Variants in PCDHGA1 observed in about 807,000 individuals in gnomAD.
PCDHGA1 encodes protocadherin gamma-A1.
PCDHGA1 carries 32 observed loss-of-function variants against 58.0 expected under a neutral mutation model. That is an observed-to-expected ratio of 0.55 (90% CI 0.42 to 0.74). The LOEUF is 0.74. Ranked by LOEUF, PCDHGA1 falls within the 30% of genes least tolerant of loss-of-function variation. The pLI, the probability that PCDHGA1 is intolerant of heterozygous loss-of-function variation, is 0.00. For missense variants in PCDHGA1, 1,205 were observed against 1,182.3 expected, an observed-to-expected ratio of 1.02 and a Z score of -0.28; for synonymous variants, 498 against 501.1, an observed-to-expected ratio of 0.99 and a Z score of 0.08.
chr5:141,380,966 T>C (rs890558911), intron 1 of PCDHGA1, among the ~76,000 whole-genome samples: 1 of 152,240 alleles, frequency 6.6e-6, no homozygotes, highest in East Asian at 1.9e-4. Flanking sequence ...AAAAGTACTA[T>C]TAAACAAATA....
chr5:141,476,281 T>G lies in PCDHGA1; in HGVS notation c.2422-18526T>G. On this transcript the variant is annotated intron_variant, in intron 1 of 3. Coordinates refer to ENST00000517417, the MANE Select transcript of PCDHGA1 (RefSeq NM_018912.3). This position sits in a 1 kb window ranked among gnomAD's most constrained non-coding sequence, Gnocchi z 7.6. ...TGGGCAACGTGGTCGCGAACCTTGGTTTGGATCTCGGTAGCCTCTCAGCCC... is the reference window on the plus strand; with the variant it reads ...TGGGCAACGTGGTCGCGAACCTTGGGTTGGATCTCGGTAGCCTCTCAGCCC... 1 of 1,614,048 alleles carries G rather than the reference T, an allele frequency of 6.2e-7. No homozygotes were observed. The highest frequency in any genetic ancestry group is 1.1e-5 in the South Asian group (1 of 91,062).
intron 1 of PCDHGA1, chr5:141,441,621 G>C (rs2098260273): frequency 9.0e-6 from 2 of 223,292 alleles, no homozygotes; most frequent in Non-Finnish European, 1.8e-5. Flanking sequence ...CGTGGCCAGT[G>C]ACCTGGAGCC....
In PCDHGA1 at chr5:141,485,313, A is replaced by G. The variant is rs758628263; in HGVS notation, c.2422-9494A>G. On this transcript the variant is annotated intron_variant, in intron 1 of 3. Transcript: ENST00000517417. The surrounding 1 kb of genome is among the most constrained non-coding windows in gnomAD (Gnocchi z 5.7). Reference sequence around the variant, plus strand: ...TCACAGGAAGGGACTTTTGTAGGGAATGTCGCTCAAGATTTCCTGCTGGAT... The same window carrying G: ...TCACAGGAAGGGACTTTTGTAGGGAGTGTCGCTCAAGATTTCCTGCTGGAT... 1.2e-6 allele frequency: 2 copies of G among 1,614,186 alleles called. No individual in the cohort carries two copies. Among genetic ancestry groups the G allele is most frequent in the African/African-American group, 1.3e-5 (1 of 75,054 alleles).
rs1316392656 is a variant in PCDHGA1, at chr5:141,332,572, C to T, written c.1888C>T (p.Arg630Ter). 1.2e-6 allele frequency: 2 copies of T among 1,612,486 alleles called. No individual in the cohort carries two copies. Among genetic ancestry groups the T allele is most frequent in the Admixed American group, 1.7e-5 (1 of 60,002 alleles). Reference protein sequence around the residue: ...GLHTGEVRTARALLDRDALKQ... With the variant: ...GLHTGEVRTA ...GCACACGGGCGAGGTGCGCACGGCGCGAGCCCTGCTGGACAGAGACGCGCT... is the reference window on the plus strand; with the variant it reads ...GCACACGGGCGAGGTGCGCACGGCGTGAGCCCTGCTGGACAGAGACGCGCT... Residue 630 changes from arginine to a stop codon, truncating the protein, a stop_gained, in exon 1 of 4, where the codon CGA becomes TGA. Coordinates refer to ENST00000517417, the MANE Select transcript of PCDHGA1 (RefSeq NM_018912.3). LOFTEE classifies it high-confidence loss of function. This position sits in a 1 kb window ranked among gnomAD's most constrained non-coding sequence, Gnocchi z 4.6.
chr5:141,498,119 T>C (rs780741291), intron 2 of PCDHGA1, among the ~76,000 whole-genome samples: 42 of 152,192 alleles, frequency 2.8e-4, no homozygotes, highest in Non-Finnish European at 4.8e-4. Flanking sequence ...AATAGGGATT[T>C]GATTTAGGGA....
intron 1 of PCDHGA1, among the ~76,000 whole-genome samples, chr5:141,483,722 C>G (rs1043315057): frequency 6.6e-6 from 1 of 152,080 alleles, no homozygotes; most frequent in Non-Finnish European, 1.5e-5. Context: ...TATTGGTTCC[C>G]ACCATAGTCA....
chr5:141,417,414 A>G (rs1255289735), intron 1 of PCDHGA1: 1 of 157,986 alleles, frequency 6.3e-6, no homozygotes, highest in Non-Finnish European at 1.4e-5. Flanking sequence ...TTCAAGATAT[A>G]TGTAAATTCA....
At chr5:141,366,636 T>C (rs374724936) in intron 1 of PCDHGA1, 12 of 1,614,240 alleles carry the variant, frequency 7.4e-6, no homozygotes, top group Non-Finnish European at 1.0e-5. Context: ...AGTCACCTGA[T>C]CTTTCCCCAG....
chr5:141,415,980 T>C, intron 1 of PCDHGA1: 1 of 348,656 alleles, frequency 2.9e-6, no homozygotes, highest in Non-Finnish European at 4.8e-6. Context: ...TAAGCAACCC[T>C]CTTGTTCTGA....
intron 1 of PCDHGA1, chr5:141,471,535 T>C (rs553186728): frequency 6.6e-6 from 1 of 152,368 alleles, no homozygotes; most frequent in African/African-American, 2.4e-5. Context: ...GAAGCTATGA[T>C]AGCATTTAAG....
chr5:141,393,356 C>G (rs1174239790), intron 1 of PCDHGA1: 3 of 1,613,978 alleles, frequency 1.9e-6, no homozygotes, highest in East Asian at 2.2e-5. Context: ...TCTCCCTGGA[C>G]GTGCAGACTG....
intron 1 of PCDHGA1, chr5:141,352,819 G>A (rs1164186338): frequency 1.6e-5 from 13 of 810,682 alleles, no homozygotes; most frequent in Non-Finnish European, 2.5e-5. Context: ...GTAAAACCCG[G>A]TCTACTAAAA....
intron 1 of PCDHGA1, chr5:141,350,526 G>C (rs1382395095): frequency 1.2e-6 from 2 of 1,614,020 alleles, no homozygotes; most frequent in Non-Finnish European, 1.7e-6. Flanking sequence ...AGGATAGATC[G>C]AGAGAAGATT....
At chr5:141,339,388 G>A (rs749150903) in intron 1 of PCDHGA1, 1 of 1,614,218 alleles carries the variant, frequency 6.2e-7, no homozygotes, top group South Asian at 1.1e-5. Flanking sequence ...AGGAACTGGA[G>A]CTAAAAATCA....
chr5:141,360,115 AG>A, intron 1 of PCDHGA1: 1 of 1,568,846 alleles, frequency 6.4e-7, no homozygotes, highest in Non-Finnish European at 8.7e-7. Flanking sequence ...CTATGGGCAA[AG>A]GAGCAAAGGG....
At chr5:141,501,606 G>A (rs2099810134) in intron 2 of PCDHGA1, among the ~76,000 whole-genome samples, 1 of 152,012 alleles carries the variant, frequency 6.6e-6, no homozygotes, top group African/African-American at 2.4e-5. Flanking sequence ...AGTTCCAGCT[G>A]TGTGACTCTG....
Position 141,331,522 on chromosome 5 carries a change from T to A in PCDHGA1, c.838T>A (p.Ser280Thr). 2 of 1,614,184 alleles carry A rather than the reference T, an allele frequency of 1.2e-6. No individual in the cohort carries two copies. The highest frequency in any genetic ancestry group is 4.5e-5 in the East Asian group (2 of 44,882). ...GGGAGCCAATGGGGAAGTAACGTAC[T>A]CCTTTCACAATGTAGACCACAGAGT... ...DEGANGEVTY[S>T]FHNVDHRVAQ... The change falls in exon 1 of 4, where the codon TCC becomes ACC. Residue 280 changes from serine to threonine, a missense_variant. Coordinates refer to ENST00000517417, the MANE Select transcript of PCDHGA1 (RefSeq NM_018912.3).
At chr5:141,358,796 A>T (rs2149804071) in intron 1 of PCDHGA1, among the ~76,000 whole-genome samples, 1 of 152,278 alleles carries the variant, frequency 6.6e-6, no homozygotes, top group South Asian at 2.1e-4. Flanking sequence ...TGGGTTCTGG[A>T]CTGATATGAT....
At chr5:141,355,539 A>G (rs1759893853) in intron 1 of PCDHGA1, 2 of 1,613,954 alleles carry the variant, frequency 1.2e-6, no homozygotes, top group Non-Finnish European at 1.7e-6. Flanking sequence ...TAGAAGATAC[A>G]GTGAAGATTT....
Sources: allele counts gnomAD v4.1 joint callset (sites outside exome capture counted in the v4.1 genomes callset), GRCh38; gene constraint gnomAD v4.1.1; non-coding constraint Gnocchi (gnomAD v3.1); transcripts MANE v1.5; gene names NCBI Gene and HGNC (gene_info 2026-07-23, HGNC 2026-07-21).